Variants in DTD1 observed in about 807,000 individuals in gnomAD.
The protein encoded by DTD1 is D-aminoacyl-tRNA deacylase 1.
In DTD1, 13 loss-of-function variants were observed where a neutral mutation model predicts 25.6. The ratio of observed to expected loss-of-function variants is 0.51; its 90% CI spans 0.33 to 0.81. The LOEUF (loss-of-function observed/expected upper bound fraction) is 0.81, where lower values mean the gene tolerates loss of function less well. DTD1 is among the 30% of genes least tolerant of loss of function. The pLI is 0.02. For missense variants in DTD1, 193 were observed against 266.4 expected (o/e 0.72, Z 1.92); for synonymous variants, 110 against 103.6 (o/e 1.06, Z -0.37).
In DTD1 at chr20:18,625,565, C is replaced by T. The variant is rs890112919; in HGVS notation, c.371-2562C>T. On this transcript the variant is annotated intron_variant, in intron 3 of 5. Coordinates refer to ENST00000377452, the MANE Select transcript of DTD1 (RefSeq NM_080820.6). Reference sequence around the variant, plus strand: ...GAACCACCATGGATGCTAGCGGCTTCCAGAGTCATACTCCCAAAGGCTCTA... The same window carrying T: ...GAACCACCATGGATGCTAGCGGCTTTCAGAGTCATACTCCCAAAGGCTCTA... Among the ~76,000 whole-genome samples the T allele has an allele frequency of 3.3e-5, 5 of 152,188 alleles. No individual in the cohort carries two copies. In the South Asian group the frequency reaches 1.0e-3, roughly 32 times the overall value.
intron 4 of DTD1, among the ~76,000 whole-genome samples, chr20:18,714,936 C>T (rs1460959590): frequency 1.3e-5 from 2 of 152,170 alleles, no homozygotes; most frequent in Admixed American, 6.5e-5. Flanking sequence ...GTGATATGAA[C>T]GAATGTCTAT....
At chr20:18,690,485 T>G (rs2061041686) in intron 4 of DTD1, among the ~76,000 whole-genome samples, 1 of 152,238 alleles carries the variant, frequency 6.6e-6, no homozygotes, top group South Asian at 2.1e-4. Context: ...AGGTCTTACA[T>G]TTAAATCTTA....
chr20:18,708,171 G>A lies in DTD1; in HGVS notation c.478-35929G>A, dbSNP rs6081316. On this transcript the variant is annotated intron_variant, in intron 4 of 5. Transcript: ENST00000377452. ...TAATTATTAACATGTGTGTGTGTGT[G>A]TATATATATATTTTATATATATATT... Among the ~76,000 whole-genome samples the A allele has an allele frequency of 5.0e-4, 43 of 85,840 alleles. 1 individual carries two copies. Among genetic ancestry groups the A allele is most frequent in the African/African-American group, 8.4e-4 (18 of 21,472 alleles). 56.3% of individuals were successfully genotyped at this position (85,840 alleles called of 152,430 possible).
chr20:18,750,039 C>T lies in DTD1; in HGVS notation c.*19+5768C>T, dbSNP rs1188312342. 2.0e-5 allele frequency among the ~76,000 whole-genome samples: 3 copies of T among 152,192 alleles called. No homozygotes were observed. The East Asian group carries it at 5.8e-4, about 29-fold the overall frequency. ...CAGCAGTGACGGTGTCAGGCATGGACAGATGTCCAGGCAGGGAGGAGTCCT... is the reference window on the plus strand; with the variant it reads ...CAGCAGTGACGGTGTCAGGCATGGATAGATGTCCAGGCAGGGAGGAGTCCT... On this transcript the variant is annotated intron_variant, in intron 5 of 5. Coordinates refer to ENST00000377452, the MANE Select transcript of DTD1 (RefSeq NM_080820.6).
At chr20:18,591,460 G>A (rs574021030) in intron 1 of DTD1, among the ~76,000 whole-genome samples, 122 of 152,162 alleles carry the variant, frequency 8.0e-4, no homozygotes, top group Non-Finnish European at 1.5e-3. Flanking sequence ...ATTAAAAGGT[G>A]TTTAGGAAAA....
intron 4 of DTD1, among the ~76,000 whole-genome samples, chr20:18,666,249 C>G (rs1187408977): frequency 6.6e-6 from 1 of 152,180 alleles, no homozygotes; most frequent in Non-Finnish European, 1.5e-5. Context: ...AGCTGAAGTA[C>G]TCTTCTCATA....
intron 4 of DTD1, chr20:18,698,608 C>T (rs1215101923): frequency 6.6e-6 from 1 of 152,188 alleles, no homozygotes; most frequent in East Asian, 1.9e-4. Flanking sequence ...GTGGAAACAC[C>T]TGGAAGTGAG....
At chr20:18,645,009 A>T (rs940742200) in intron 4 of DTD1, among the ~76,000 whole-genome samples, 1 of 152,104 alleles carries the variant, frequency 6.6e-6, no homozygotes, top group Non-Finnish European at 1.5e-5. Context: ...AAATTAGCAG[A>T]ATGTGGTGGT....
At chr20:18,735,285 A>G (rs1215751261) in intron 4 of DTD1, among the ~76,000 whole-genome samples, 1 of 152,260 alleles carries the variant, frequency 6.6e-6, no homozygotes, top group Non-Finnish European at 1.5e-5. Flanking sequence ...TAACTCAAAG[A>G]TAGGGCCATA....
Position 18,766,030 on chromosome 20 carries a change from A to G in DTD1, c.*2690A>G, listed in dbSNP as rs1467306519. ...CAGGAGACCAAGCTCTTGTGGCTAC[A>G]CAAAACATAGACCAAATAAAGGCAT... On this transcript the variant is annotated 3_prime_UTR_variant, in exon 6 of 6. Coordinates refer to ENST00000377452, the MANE Select transcript of DTD1 (RefSeq NM_080820.6). 6.6e-6 allele frequency: 1 copy of G among 152,234 alleles called. No homozygotes were observed. The highest frequency in any genetic ancestry group is 1.5e-5 in the Non-Finnish European group (1 of 68,060). 9.4% of individuals were successfully genotyped at this position (152,234 alleles called of 1,614,324 possible). A position where few individuals can be genotyped will look rare whatever the true frequency, so the allele number is the denominator to read the frequency against.
intron 4 of DTD1, among the ~76,000 whole-genome samples, chr20:18,695,601 C>G (rs1600375010): frequency 2.2e-5 from 1 of 45,494 alleles, no homozygotes; most frequent in Non-Finnish European, 4.2e-5. Context: ...CCTCCCCTCC[C>G]CTCCCCCCTT....
At chr20:18,667,000 G>A (rs890452111) in intron 4 of DTD1, among the ~76,000 whole-genome samples, 1 of 152,170 alleles carries the variant, frequency 6.6e-6, no homozygotes, top group Non-Finnish European at 1.5e-5. Context: ...TAAAGCAGCA[G>A]CCAGCCAAAC....
intron 3 of DTD1, among the ~76,000 whole-genome samples, chr20:18,599,097 C>T (rs1272605897): frequency 1.3e-5 from 2 of 152,102 alleles, no homozygotes; most frequent in Non-Finnish European, 2.9e-5. Context: ...TATTCACTTA[C>T]TGAAGGATAT....
chr20:18,668,294 G>A (rs77346625), intron 4 of DTD1, among the ~76,000 whole-genome samples: 3,000 of 152,276 alleles, frequency 0.02, 105 homozygotes, highest in African/African-American at 0.069. Context: ...GGATATAGTT[G>A]GACAAGCTAT....
chr20:18,595,323 G>A (rs147569706), intron 2 of DTD1, among the ~76,000 whole-genome samples: 36 of 152,070 alleles, frequency 2.4e-4, no homozygotes, highest in African/African-American at 8.7e-4. Context: ...CTGGAGTGCA[G>A]TGGTGCAATC....
intron 5 of DTD1, among the ~76,000 whole-genome samples, chr20:18,747,160 A>G (rs542543471): frequency 9.8e-4 from 150 of 152,380 alleles, no homozygotes; most frequent in Non-Finnish European, 1.8e-3. Flanking sequence ...GACAGGGCAC[A>G]GAGTGGCCCT....
intron 4 of DTD1, among the ~76,000 whole-genome samples, chr20:18,735,038 A>G (rs964105520): frequency 1.3e-5 from 2 of 152,222 alleles, no homozygotes; most frequent in Non-Finnish European, 2.9e-5. Context: ...AGGTATTTTT[A>G]AAAGTAATTG....
At chr20:18,672,538 A>C (rs142433267) in intron 4 of DTD1, among the ~76,000 whole-genome samples, 4 of 152,196 alleles carry the variant, frequency 2.6e-5, no homozygotes, top group Non-Finnish European at 5.9e-5. Flanking sequence ...GGGTCAAACT[A>C]TATTTCCCAA....
intron 3 of DTD1, among the ~76,000 whole-genome samples, chr20:18,619,822 C>G (rs904385405): frequency 2.0e-5 from 3 of 152,120 alleles, no homozygotes; most frequent in African/African-American, 7.2e-5. Context: ...GAACACTTAT[C>G]TTTTTCTTCA....
Sources: gnomAD v4.1 joint callset for allele counts (sites outside exome capture counted in the v4.1 genomes callset) on GRCh38, gnomAD v4.1.1 for gene constraint, MANE v1.5 for transcripts, NCBI Gene and HGNC (gene_info 2026-07-23, HGNC 2026-07-21) for gene names.